LYPD6: variants seen among roughly 807,000 people sequenced by gnomAD.
LYPD6 encodes the protein ly6/PLAUR domain-containing protein 6.
Under a neutral mutation model 22.7 loss-of-function variants are expected in LYPD6, and 15 were observed. The observed-to-expected ratio is 0.66, with a 90% confidence interval of 0.44 to 1.02. The LOEUF is 1.02. Ranked by LOEUF, LYPD6 falls within the 50% of genes least tolerant of loss-of-function variation. The pLI, the probability that LYPD6 is intolerant of heterozygous loss-of-function variation, is 0.00. For synonymous variants in LYPD6, 72 were observed against 77.5 expected, an observed-to-expected ratio of 0.93 and a Z score of 0.37; for missense variants, 189 against 208.4, an observed-to-expected ratio of 0.91 and a Z score of 0.57.
rs116541055 is a variant in LYPD6 at position 149,458,589 on chromosome 2, C to T, written c.217+9442C>T. Among the ~76,000 whole-genome samples the T allele has an allele frequency of 8.9e-3, 1,347 of 152,140 alleles. 15 individuals are homozygous for T. The highest frequency in any genetic ancestry group is 0.031 in the African/African-American group (1,292 of 41,520). ...AGATCTCAAACTGAATGAAAAATAG[C>T]AATCAATAGACACCAACACCAAGAT... On this transcript the variant is annotated intron_variant, in intron 3 of 4. Transcript: ENST00000334166.
chr2:149,462,206 C>T (rs562863160), intron 3 of LYPD6, among the ~76,000 whole-genome samples: 15 of 151,882 alleles, frequency 9.9e-5, no homozygotes, highest in African/African-American at 2.7e-4. Flanking sequence ...ATAGGATATA[C>T]GATAAATTGA....
intron 3 of LYPD6, among the ~76,000 whole-genome samples, chr2:149,467,582 G>A (rs920849694): frequency 2.0e-5 from 3 of 152,144 alleles, no homozygotes; most frequent in Non-Finnish European, 2.9e-5. Context: ...TGGTGGGGGA[G>A]AGGGGAGGAA....
intron 1 of LYPD6, among the ~76,000 whole-genome samples, chr2:149,359,580 A>G (rs931898660): frequency 5.9e-5 from 9 of 152,330 alleles, no homozygotes; most frequent in African/African-American, 2.2e-4. Flanking sequence ...CTGACTTGAC[A>G]TCACTTGAGT....
At chr2:149,330,563 C>G (rs112631177), upstream of LYPD6, 24 of 150,786 alleles carry the variant, frequency 1.6e-4, no homozygotes, top group African/African-American at 5.3e-4. Flanking sequence ...CCTAGCCGCC[C>G]CCCGCCTCTC....
chr2:149,445,334 A>G (rs923566559), intron 2 of LYPD6, among the ~76,000 whole-genome samples: 1 of 152,236 alleles, frequency 6.6e-6, no homozygotes. Context: ...ATAAATTAGC[A>G]TTGGCTTCAA....
At chr2:149,482,593 A>G in the LYPD6 span, among the ~76,000 whole-genome samples, 2 of 152,116 alleles carry the variant, frequency 1.3e-5, no homozygotes, top group South Asian at 4.1e-4. Context: ...CCCATATATC[A>G]TTCTAGCCAG....
At position 149,473,225 on chromosome 2, in the gene LYPD6, C is replaced by T. The variant is rs1681382932; in HGVS notation, c.*2375C>T. The T allele has an allele frequency of 6.5e-6, 1 of 152,716 alleles. No homozygotes were observed. Among genetic ancestry groups the T allele is most frequent in the African/African-American group, 2.4e-5 (1 of 41,560 alleles). 9.5% of individuals were successfully genotyped at this position (152,716 alleles called of 1,614,324 possible). A position where few individuals can be genotyped will look rare whatever the true frequency, so the allele number is the denominator to read the frequency against. The stretch of plus-strand genomic sequence containing the variant: ...CTGGCTGGTGTAGAGGGATCAGGTC[C>T]ACAGTGGTGCAGATTCAACCACCAC... On this transcript the variant is annotated 3_prime_UTR_variant, in exon 5 of 5. Coordinates refer to ENST00000334166, the MANE Select transcript of LYPD6 (RefSeq NM_194317.5).
intron 1 of LYPD6, among the ~76,000 whole-genome samples, chr2:149,360,234 G>A (rs1304836154): frequency 6.6e-6 from 1 of 152,182 alleles, no homozygotes; most frequent in Non-Finnish European, 1.5e-5. Context: ...CTTGGCTTTG[G>A]TGGGTTTTGG....
At chr2:149,338,433 C>T (rs543586876) in intron 1 of LYPD6, among the ~76,000 whole-genome samples, 1 of 152,262 alleles carries the variant, frequency 6.6e-6, no homozygotes, top group South Asian at 2.1e-4. Context: ...GGCATACCTC[C>T]AAAATTATGT....
At chr2:149,418,699 G>A (rs549048523) in intron 1 of LYPD6, among the ~76,000 whole-genome samples, 2 of 152,336 alleles carry the variant, frequency 1.3e-5, no homozygotes, top group Admixed American at 1.3e-4. Flanking sequence ...TGGCCAGTTG[G>A]CAAAGTGCGA....
intron 3 of LYPD6, among the ~76,000 whole-genome samples, chr2:149,450,838 T>C (rs1480382301): frequency 5.9e-5 from 9 of 152,234 alleles, no homozygotes; most frequent in Non-Finnish European, 4.4e-5. Context: ...TAAGGATTTT[T>C]AAAAGCCCTC....
intron 1 of LYPD6, among the ~76,000 whole-genome samples, chr2:149,400,612 T>C (rs753171611): frequency 1.4e-4 from 12 of 83,646 alleles, no homozygotes; most frequent in Non-Finnish European, 2.3e-4. Context: ...CTAAATGTCG[T>C]ATATAAACTT....
chr2:149,351,417 A>C (rs1373387031), intron 1 of LYPD6, among the ~76,000 whole-genome samples: 1 of 142,658 alleles, frequency 7.0e-6, no homozygotes, highest in Admixed American at 7.1e-5. Context: ...AAAAAAAAAG[A>C]AAGAAAACAA....
chr2:149,401,909 C>A (rs764507618), intron 1 of LYPD6, among the ~76,000 whole-genome samples: 1 of 145,080 alleles, frequency 6.9e-6, no homozygotes, highest in Non-Finnish European at 1.5e-5. Context: ...ATCATTCTTA[C>A]GCCTTTGCAT....
chr2:149,443,177 CTAT>C (rs1683606108), intron 2 of LYPD6, among the ~76,000 whole-genome samples: 1 of 152,170 alleles, frequency 6.6e-6, no homozygotes, highest in African/African-American at 2.4e-5. Context: ...TTTGAAAAGT[CTAT>C]TAAGTAATTC....
intron 1 of LYPD6, among the ~76,000 whole-genome samples, chr2:149,338,296 C>T (rs56897550): frequency 2.0e-5 from 3 of 152,202 alleles, no homozygotes; most frequent in Non-Finnish European, 4.4e-5. Context: ...TCCCTTTTCT[C>T]TGCAACCATG....
At chr2:149,396,035 T>C (rs1682422243) in intron 1 of LYPD6, among the ~76,000 whole-genome samples, 1 of 152,224 alleles carries the variant, frequency 6.6e-6, no homozygotes, top group Non-Finnish European at 1.5e-5. Context: ...TTTTAACGAA[T>C]ATTTACAAAT....
At chr2:149,382,827 G>T (rs1171604117) in intron 1 of LYPD6, among the ~76,000 whole-genome samples, 1 of 151,582 alleles carries the variant, frequency 6.6e-6, no homozygotes, top group Non-Finnish European at 1.5e-5. Flanking sequence ...TGAAAATATT[G>T]TGGACTCTTT....
Position 149,473,101 on chromosome 2 carries a change from A to G in LYPD6, c.*2251A>G, listed in dbSNP as rs1433529581. ...TGAAAGTTTGATGTTGTACATACCTACAAGTACCATTTTTGTGCATGATTA... is the reference window on the plus strand; with the variant it reads ...TGAAAGTTTGATGTTGTACATACCTGCAAGTACCATTTTTGTGCATGATTA... On this transcript the variant is annotated 3_prime_UTR_variant, in exon 5 of 5. Coordinates refer to ENST00000334166, the MANE Select transcript of LYPD6 (RefSeq NM_194317.5). The G allele has an allele frequency of 1.3e-5, 2 of 152,480 alleles. No homozygotes were observed. The highest frequency in any genetic ancestry group is 4.8e-5 in the African/African-American group (2 of 41,448). 9.4% of individuals were successfully genotyped at this position (152,480 alleles called of 1,614,324 possible). A position where few individuals can be genotyped will look rare whatever the true frequency, so the allele number is the denominator to read the frequency against.
Sources: allele counts gnomAD v4.1 joint callset (sites outside exome capture counted in the v4.1 genomes callset), GRCh38; gene constraint gnomAD v4.1.1; transcripts MANE v1.5; gene names NCBI Gene and HGNC (gene_info 2026-07-23, HGNC 2026-07-21).